The following PTPRK variants were observed in gnomAD, a reference collection of about 807,000 sequenced individuals.
PTPRK encodes protein tyrosine phosphatase receptor type K.
A neutral mutation model predicts 178.0 loss-of-function variants in PTPRK; 75 were observed. That is an observed-to-expected ratio of 0.42 (90% CI 0.35 to 0.51). The LOEUF (loss-of-function observed/expected upper bound fraction) is 0.51, where lower values mean the gene tolerates loss of function less well. Ranked by LOEUF, PTPRK falls within the 20% of genes least tolerant of loss-of-function variation. The pLI, the probability that PTPRK is intolerant of heterozygous loss-of-function variation, is 0.02. For missense variants in PTPRK, 1,441 were observed against 1,797.8 expected, an observed-to-expected ratio of 0.80 and a Z score of 3.59; for synonymous variants, 637 against 620.6, an observed-to-expected ratio of 1.03 and a Z score of -0.39.
At chr6:127,999,935 C>A (rs1777604102) in intron 15 of PTPRK, 1 of 898,964 alleles carries the variant, frequency 1.1e-6, no homozygotes, top group Non-Finnish European at 1.3e-6. Context: ...AGAAAAGAAA[C>A]TTTAAATTCT....
chr6:128,372,428 A>G (rs1584408682), intron 2 of PTPRK, among the ~76,000 whole-genome samples: 1 of 152,226 alleles, frequency 6.6e-6, no homozygotes, highest in African/African-American at 2.4e-5. Flanking sequence ...AAAAGAATCA[A>G]GTCAAAAATC....
chr6:128,005,101 T>A lies in PTPRK; in HGVS notation c.2477A>T (p.His826Leu), dbSNP rs1171904258. 6.2e-7 allele frequency: 1 copy of A among 1,608,968 alleles called. No individual in the cohort carries two copies. Among genetic ancestry groups the A allele is most frequent in the Admixed American group, 1.7e-5 (1 of 59,606 alleles). Residue 826 changes from histidine to leucine, a missense_variant, in exon 15 of 30, where the codon CAT (histidine) becomes CTT (leucine). His to Leu is a moderately conservative substitution (Grantham distance 99, BLOSUM62 -3). Coordinates refer to ENST00000368226, the MANE Select transcript of PTPRK (RefSeq NM_002844.4). ...DPLSITFMDQHNFSPRYENHS... is the reference protein window; with the variant it reads ...DPLSITFMDQLNFSPRYENHS... ...AAACTTACATCTTGGACTAAAGTTA[T>A]GTTGGTCCATGAAGGTGATGGAAAG...
At chr6:128,405,832 T>C (rs1167362367) in intron 1 of PTPRK, among the ~76,000 whole-genome samples, 1 of 152,042 alleles carries the variant, frequency 6.6e-6, no homozygotes, top group African/African-American at 2.4e-5. Flanking sequence ...AGACCTGCTT[T>C]GAGGGTTTGA....
intron 5 of PTPRK, among the ~76,000 whole-genome samples, chr6:128,221,538 T>A (rs79562938): frequency 0.065 from 9,634 of 147,122 alleles, 355 homozygotes; most frequent in East Asian, 0.11. Context: ...AAAAAAAAAA[T>A]AATAATAATA....
intron 13 of PTPRK, among the ~76,000 whole-genome samples, chr6:128,061,895 C>T (rs553576830): frequency 2.0e-5 from 3 of 152,252 alleles, no homozygotes; most frequent in African/African-American, 7.2e-5. Context: ...TATATCCACA[C>T]ACAAATTTAT....
intron 1 of PTPRK, among the ~76,000 whole-genome samples, chr6:128,431,757 C>A (rs1218250975): frequency 6.6e-6 from 1 of 152,220 alleles, no homozygotes; most frequent in Non-Finnish European, 1.5e-5. Flanking sequence ...AAAAGCTCAA[C>A]ATGAGATCTC....
At chr6:128,359,861 T>C (rs1340877412) in intron 2 of PTPRK, among the ~76,000 whole-genome samples, 2 of 152,196 alleles carry the variant, frequency 1.3e-5, no homozygotes, top group Non-Finnish European at 2.9e-5. Context: ...GAATTAGCCA[T>C]AGAGTGCATG....
chr6:128,358,741 G>A (rs766145258), intron 2 of PTPRK, among the ~76,000 whole-genome samples: 17 of 152,108 alleles, frequency 1.1e-4, no homozygotes, highest in Admixed American at 1.3e-4. Flanking sequence ...ACCCTTGCTC[G>A]GCTGAATGAC....
At chr6:128,177,554 C>T (rs1381666893) in intron 7 of PTPRK, among the ~76,000 whole-genome samples, 1 of 151,768 alleles carries the variant, frequency 6.6e-6, no homozygotes, top group Non-Finnish European at 1.5e-5. Flanking sequence ...ACCAACTAGT[C>T]AGTCAGATGA....
chr6:128,014,284 C>T lies in PTPRK; in HGVS notation c.2195-5016G>A, dbSNP rs114064498. ...ATTCCTTTATAGAGCTAACCATTTCCACCATCTGTCACCACCTATCACCAA... is the reference window on the plus strand; with the variant it reads ...ATTCCTTTATAGAGCTAACCATTTCTACCATCTGTCACCACCTATCACCAA... On this transcript the variant is annotated intron_variant, in intron 13 of 29. Coordinates refer to ENST00000368226, the MANE Select transcript of PTPRK (RefSeq NM_002844.4). 4.2e-3 allele frequency among the ~76,000 whole-genome samples: 635 copies of T among 151,652 alleles called. 6 individuals carry two copies. The highest frequency in any genetic ancestry group is 0.014 in the African/African-American group (594 of 41,478).
At chr6:127,973,301 G>A (rs1321592541) in intron 28 of PTPRK, 144 bp from the exon 29 acceptor site, 1 of 1,333,126 alleles carries the variant, frequency 7.5e-7, no homozygotes, top group South Asian at 1.5e-5. Context: ...ATGTGTACAA[G>A]GCAGAGAGGA....
At chr6:128,136,258 A>G (rs921384683) in intron 7 of PTPRK, among the ~76,000 whole-genome samples, 15 of 152,226 alleles carry the variant, frequency 9.9e-5, no homozygotes, top group African/African-American at 3.4e-4. Flanking sequence ...AGTTTGTACT[A>G]ATTTGTTATG....
chr6:128,234,100 A>G (rs141895990), intron 5 of PTPRK, among the ~76,000 whole-genome samples: 3 of 152,322 alleles, frequency 2.0e-5, no homozygotes, highest in Non-Finnish European at 2.9e-5. Context: ...CCCAGTTACA[A>G]CCCTTTCATA....
In PTPRK at chr6:128,228,067, T is replaced by A. The variant is rs79400153; in HGVS notation, c.694-8971A>T. On this transcript the variant is annotated intron_variant, in intron 5 of 29. Transcript: ENST00000368226. ...AACCACCATGGCACGTGTATACCTA[T>A]GTAACAAACCTGTATGTTTTGCACA... Among the ~76,000 whole-genome samples, 962 of 150,372 alleles carry A rather than the reference T, an allele frequency of 6.4e-3. 10 individuals are homozygous for A. Among genetic ancestry groups the A allele is most frequent in the African/African-American group, 0.023 (934 of 40,790 alleles).
intron 2 of PTPRK, among the ~76,000 whole-genome samples, chr6:128,327,044 T>C (rs1459020932): frequency 6.6e-6 from 1 of 151,644 alleles, no homozygotes; most frequent in African/African-American, 2.4e-5. Flanking sequence ...TTCCAATTCA[T>C]TAAAAAAGAG....
intron 13 of PTPRK, among the ~76,000 whole-genome samples, chr6:128,047,902 C>T (rs1386466955): frequency 1.3e-5 from 2 of 151,766 alleles, no homozygotes; most frequent in African/African-American, 4.8e-5. Flanking sequence ...ATCTGAGAAC[C>T]TCATGGTTGT....
intron 6 of PTPRK, among the ~76,000 whole-genome samples, chr6:128,186,314 C>G (rs1270582549): frequency 1.3e-5 from 2 of 152,024 alleles, no homozygotes; most frequent in Non-Finnish European, 2.9e-5. Context: ...TAACTCCTCA[C>G]AAGTATTCAT....
intron 1 of PTPRK, among the ~76,000 whole-genome samples, chr6:128,464,642 T>TATATATATATATATAC (rs1849565555): frequency 1.3e-5 from 1 of 74,942 alleles, no homozygotes; most frequent in African/African-American, 6.4e-5. Context: ...TATACACATA[T>TATATATATATATATAC]ATATATATAT....
chr6:128,490,108 G>A (rs1853552119), intron 1 of PTPRK, among the ~76,000 whole-genome samples: 2 of 152,090 alleles, frequency 1.3e-5, no homozygotes, highest in South Asian at 4.1e-4. Context: ...TCAAACAACT[G>A]CTTTTCTCTC....
Sources: allele counts gnomAD v4.1 joint callset (sites outside exome capture counted in the v4.1 genomes callset), GRCh38; gene constraint gnomAD v4.1.1; transcripts MANE v1.5; gene names NCBI Gene and HGNC (gene_info 2026-07-23, HGNC 2026-07-21).